Variants in RTEL1 observed in about 807,000 individuals in gnomAD.
RTEL1 encodes the protein regulator of telomere length.
A neutral mutation model predicts 162.2 loss-of-function variants in RTEL1; 86 were observed. The ratio of observed to expected loss-of-function variants is 0.53; its 90% CI spans 0.45 to 0.63. RTEL1 has a LOEUF of 0.63. Ranked by LOEUF, RTEL1 falls within the 30% of genes least tolerant of loss-of-function variation. The pLI is 0.00. For missense variants in RTEL1, 1,941 were observed against 1,750.2 expected (o/e 1.11, Z -1.95); for synonymous variants, 958 against 717.9 (o/e 1.33, Z -5.35).
At chr20:63,688,979 G>C in intron 21 of RTEL1, 76 bp from the exon 22 acceptor site, 1 of 1,288,642 alleles carries the variant, frequency 7.8e-7, no homozygotes, top group Admixed American at 1.7e-5. Context: ...TGGAGCATGA[G>C]ACCTGGGTCT....
At chr20:63,665,098 T>A (rs1007691273) in intron 6 of RTEL1, 4 of 155,148 alleles carry the variant, frequency 2.6e-5, no homozygotes, top group African/African-American at 9.7e-5. Context: ...GGGTCATCGC[T>A]GGTGTGTGTG....
In RTEL1 at chr20:63,688,176, C is replaced by G; in HGVS notation, c.1633C>G (p.Leu545Val). ...EECLSSLGKA[L>V]GNIARVVPYG... is the part of the protein sequence containing the mutation. ...GTGCTTATCCTCCCTGGGGAAGGCT[C>G]TGGGTGAGTGCCCTGAATGCCCCAG... The change falls in exon 19 of 35, where the codon CTG (leucine) becomes GTG (valine). Residue 545 changes from leucine to valine, a missense_variant. Leu to Val is a conservative substitution (Grantham distance 32). Coordinates refer to ENST00000360203, the MANE Select transcript of RTEL1 (RefSeq NM_001283009.2). The G allele has an allele frequency of 6.2e-7, 1 of 1,612,046 alleles. No individual in the cohort carries two copies. The highest frequency in any genetic ancestry group is 8.5e-7 in the Non-Finnish European group (1 of 1,179,966).
intron 14 of RTEL1, chr20:63,681,731 C>T (rs1001222093): frequency 1.0e-6 from 1 of 985,302 alleles, no homozygotes; most frequent in Non-Finnish European, 1.2e-6. Flanking sequence ...GGTGGTGGGG[C>T]CCAGGCTCAG....
Position 63,673,921 on chromosome 20 carries a change from G to A in RTEL1, c.766-19G>A, listed in dbSNP as rs2297437. The A allele has an allele frequency of 0.21, 341,955 of 1,598,310 alleles. 40,369 individuals are homozygous for A. The highest frequency in any genetic ancestry group is 0.38 in the Admixed American group (22,550 of 59,250). Reference sequence around the variant, plus strand: ...ATCCTGTCCTGTTCTGTGGTGATTCGGGTGTGCTTGGGCTCTAGGAGAAGA... The same window carrying A: ...ATCCTGTCCTGTTCTGTGGTGATTCAGGTGTGCTTGGGCTCTAGGAGAAGA... On this transcript the variant is annotated intron_variant, in intron 9 of 34. Coordinates refer to ENST00000360203, the MANE Select transcript of RTEL1 (RefSeq NM_001283009.2).
chr20:63,692,365 CT>C (rs2090768844), intron 28 of RTEL1: 2 of 233,270 alleles, frequency 8.6e-6, no homozygotes, highest in East Asian at 2.2e-4. Context: ...TGGGCCGCCC[CT>C]GCCTTGGTTT....
At chr20:63,676,631 A>G (rs2090354966) in intron 10 of RTEL1, among the ~76,000 whole-genome samples, 1 of 152,162 alleles carries the variant, frequency 6.6e-6, no homozygotes, top group Middle Eastern at 3.2e-3. Flanking sequence ...CACACAGGAA[A>G]GGTGGGACAA....
chr20:63,685,914 A>G (rs2145412849), intron 16 of RTEL1, 42 bp downstream of exon 16: 1 of 1,565,098 alleles, frequency 6.4e-7, no homozygotes, highest in Non-Finnish European at 8.7e-7. Flanking sequence ...GCCCGGGTGC[A>G]GTGCCCGGCA....
In RTEL1 at chr20:63,690,313, G is replaced by A. The variant is rs759789479; in HGVS notation, c.2285G>A (p.Arg762Gln). The change falls in exon 26 of 35, where the codon CGG becomes CAG. Residue 762 changes from arginine (R) to glutamine (Q), a missense_variant. Physicochemically the swap from Arg to Gln is conservative, Grantham distance 43. Coordinates refer to ENST00000360203, the MANE Select transcript of RTEL1 (RefSeq NM_001283009.2). The part of the protein sequence containing the change: ...AERTMPAPAP[R>Q]ATAPSVRGED... ...CTGCAGATGCCAGCGCCGGCCCCCC[G>A]GGCTACAGCACCCAGTGTGCGTGGA... is the stretch of plus-strand genomic sequence containing the variant. The A allele has an allele frequency of 1.3e-5, 21 of 1,608,056 alleles. No individual in the cohort carries two copies. The highest frequency in any genetic ancestry group is 5.3e-5 in the African/African-American group (4 of 74,808).
At chr20:63,673,221 G>A (rs547563839) in intron 9 of RTEL1, among the ~76,000 whole-genome samples, 1 of 151,820 alleles carries the variant, frequency 6.6e-6, no homozygotes, top group African/African-American at 2.4e-5. Context: ...GTGAAACACC[G>A]TCTCTACTAA....
rs2090175669 is a variant in RTEL1, at chr20:63,668,148, C to T, written c.699+595C>T. Among the ~76,000 whole-genome samples, 1 of 151,906 alleles carries T rather than the reference C, an allele frequency of 6.6e-6. No homozygotes were observed. Among genetic ancestry groups the T allele is most frequent in the Non-Finnish European group, 1.5e-5 (1 of 67,956 alleles). The stretch of plus-strand genomic sequence containing the variant: ...AGCATGTGCCCGGCCCCACACTCAA[C>T]TCCCCTCCTCCCAGTGTGTGCCCGG... On this transcript the variant is annotated intron_variant, in intron 8 of 34. Transcript: ENST00000360203. This position sits in a 1 kb window ranked among gnomAD's most constrained non-coding sequence, Gnocchi z 4.3.
In RTEL1 at chr20:63,690,111, C is replaced by T; in HGVS notation, c.2166C>T (p.Ala722=). The T allele has an allele frequency of 6.2e-7, 1 of 1,612,118 alleles. No homozygotes were observed. The highest frequency in any genetic ancestry group is 1.1e-5 in the South Asian group (1 of 91,086). The change falls in exon 25 of 35, where the codon GCC becomes GCT. Residue 722 remains alanine (A), a synonymous_variant. Transcript: ENST00000360203. ...GGTTCGCCTTTGCCGACGCAAGAGCCCAACTGCCCTCCTGGGTGCGTCCCC... is the reference window on the plus strand; with the variant it reads ...GGTTCGCCTTTGCCGACGCAAGAGCTCAACTGCCCTCCTGGGTGCGTCCCC... ...DHRFAFADAR[A]QLPSWVRPHV...
intron 16 of RTEL1, chr20:63,686,166 C>T (rs183820779): frequency 1.1e-4 from 54 of 496,476 alleles, no homozygotes; most frequent in South Asian, 2.3e-4. Context: ...TCGTTTATGC[C>T]GAGGCCGTCA....
intron 10 of RTEL1, among the ~76,000 whole-genome samples, chr20:63,675,641 A>G (rs997158434): frequency 6.6e-6 from 1 of 152,028 alleles, no homozygotes; most frequent in African/African-American, 2.4e-5. Flanking sequence ...AGCGTCTTAA[A>G]GCGCCGGGAC....
intron 14 of RTEL1, chr20:63,681,661 C>T: frequency 1.0e-6 from 1 of 985,398 alleles, no homozygotes; most frequent in Non-Finnish European, 1.2e-6. Flanking sequence ...CCTTCTCCTT[C>T]ACAGACGCAG....
intron 9 of RTEL1, 140 bp from the exon 10 acceptor site, chr20:63,673,800 C>T: frequency 5.7e-6 from 5 of 881,246 alleles, no homozygotes; most frequent in Non-Finnish European, 8.8e-6. Flanking sequence ...CTACTTGTGG[C>T]CTTTTACAGA....
chr20:63,663,825 G>A (rs2090069265), intron 6 of RTEL1, among the ~76,000 whole-genome samples: 1 of 152,184 alleles, frequency 6.6e-6, no homozygotes, highest in African/African-American at 2.4e-5. Context: ...CAGTGTGCCA[G>A]GACTGAGGAC....
intron 7 of RTEL1, 151 bp downstream of exon 7, chr20:63,666,230 C>A: frequency 1.5e-6 from 1 of 687,038 alleles, no homozygotes; most frequent in South Asian, 2.0e-5. Flanking sequence ...GTTTAAGCAG[C>A]TCTGAGGAAG....
At chr20:63,673,820 A>G (rs2090293086) in intron 9 of RTEL1, 120 bp from the exon 10 acceptor site, 1 of 1,157,004 alleles carries the variant, frequency 8.6e-7, no homozygotes, top group Admixed American at 2.3e-5. Context: ...ACCCCAGGCC[A>G]AGGCTTTGGG....
intron 7 of RTEL1, among the ~76,000 whole-genome samples, chr20:63,666,545 CT>C (rs2090132123): frequency 6.6e-6 from 1 of 151,922 alleles, no homozygotes. Flanking sequence ...CTCCCTCCCC[CT>C]TTTTTTTGAA....
Sources: gnomAD v4.1 joint callset for allele counts (sites outside exome capture counted in the v4.1 genomes callset) on GRCh38, gnomAD v4.1.1 for gene constraint, Gnocchi (gnomAD v3.1) non-coding constraint, MANE v1.5 for transcripts, NCBI Gene and HGNC (gene_info 2026-07-23, HGNC 2026-07-21) for gene names.